The following RFX8 variants were observed in gnomAD, a reference collection of about 807,000 sequenced individuals.
RFX8 encodes the protein regulatory factor X8.
RFX8 carries 46 observed loss-of-function variants against 54.6 expected under a neutral mutation model. The observed-to-expected ratio is 0.84, with a 90% CI of 0.67 to 1.08. The LOEUF is 1.08. RFX8 is among the 50% of genes least tolerant of loss of function. RFX8 has a pLI of 0.00. For missense variants in RFX8, 536 were observed against 562.3 expected, an observed-to-expected ratio of 0.95 and a Z score of 0.47; for synonymous variants, 192 against 209.5, an observed-to-expected ratio of 0.92 and a Z score of 0.72.
At chr2:101,437,167 C>T (rs139768258) in intron 2 of RFX8, among the ~76,000 whole-genome samples, 57 of 152,296 alleles carry the variant, frequency 3.7e-4, no homozygotes, top group African/African-American at 1.4e-3. Context: ...AGGCTGGGTG[C>T]AGTGGCTCAC....
chr2:101,409,054 G>C (rs1221686128), intron 9 of RFX8, among the ~76,000 whole-genome samples: 1 of 152,120 alleles, frequency 6.6e-6, no homozygotes, highest in Non-Finnish European at 1.5e-5. Flanking sequence ...GCTCTTGAAT[G>C]CCCGATCCCC....
intron 2 of RFX8, among the ~76,000 whole-genome samples, chr2:101,444,138 T>G (rs1017690972): frequency 6.6e-6 from 1 of 152,244 alleles, no homozygotes; most frequent in Admixed American, 6.5e-5. Flanking sequence ...GCCTCCCTCC[T>G]TACACCAAGG....
At chr2:101,408,570 G>GTA (rs1449492467) in intron 9 of RFX8, among the ~76,000 whole-genome samples, 1 of 152,202 alleles carries the variant, frequency 6.6e-6, no homozygotes, top group Admixed American at 6.5e-5. Context: ...CTGTGAGGAT[G>GTA]TATAATATAA....
At chr2:101,452,618 G>A (rs1013500106) in intron 2 of RFX8, among the ~76,000 whole-genome samples, 1 of 152,084 alleles carries the variant, frequency 6.6e-6, no homozygotes, top group African/African-American at 2.4e-5. Context: ...GAAAATAAAT[G>A]TAAATGAAAT....
chr2:101,463,112 G>T (rs1689371731), intron 2 of RFX8, among the ~76,000 whole-genome samples: 1 of 152,182 alleles, frequency 6.6e-6, no homozygotes, highest in Non-Finnish European at 1.5e-5. Flanking sequence ...TAGCCTTGCA[G>T]CCTCTGTATG....
chr2:101,453,904 A>T (rs67787993), intron 2 of RFX8, among the ~76,000 whole-genome samples: 52,546 of 151,938 alleles, frequency 0.35, 9,772 homozygotes, highest in African/African-American at 0.45. Context: ...TTCACTTTTT[A>T]AATTATTATT....
intron 11 of RFX8, among the ~76,000 whole-genome samples, 183 bp downstream of exon 11, chr2:101,402,253 G>A (rs890277372): frequency 5.9e-5 from 9 of 152,342 alleles, no homozygotes; most frequent in African/African-American, 2.2e-4. Context: ...CCACAAACCT[G>A]AGCTGACCAG....
chr2:101,455,082 C>G (rs1438973865), intron 2 of RFX8, among the ~76,000 whole-genome samples: 1 of 151,122 alleles, frequency 6.6e-6, no homozygotes, highest in East Asian at 1.9e-4. Context: ...ACAATCTCAG[C>G]TCATTGCTAC....
At chr2:101,457,315 A>T (rs1689029266) in intron 2 of RFX8, among the ~76,000 whole-genome samples, 1 of 152,050 alleles carries the variant, frequency 6.6e-6, no homozygotes, top group South Asian at 2.1e-4. Context: ...TCGATTTTAG[A>T]TCTTTCCTGC....
chr2:101,417,422 T>G, intron 6 of RFX8, 112 bp downstream of exon 6: 1 of 964,922 alleles, frequency 1.0e-6, no homozygotes, highest in East Asian at 2.7e-5. Flanking sequence ...CCCGGGCTGG[T>G]CTCAAACTCC....
At chr2:101,422,300 T>G in intron 3 of RFX8, 62 bp downstream of exon 3, 1 of 817,650 alleles carries the variant, frequency 1.2e-6, no homozygotes, top group Non-Finnish European at 2.1e-6. Context: ...AAAAGGAAGC[T>G]ATTTACTGCC....
intron 2 of RFX8, among the ~76,000 whole-genome samples, chr2:101,435,317 G>C (rs1687717554): frequency 6.6e-6 from 1 of 152,200 alleles, no homozygotes; most frequent in Non-Finnish European, 1.5e-5. Context: ...AGGAAAGTGT[G>C]TGTGTTTCGG....
chr2:101,400,774 G>A (rs1685392781), intron 11 of RFX8, among the ~76,000 whole-genome samples: 1 of 152,202 alleles, frequency 6.6e-6, no homozygotes, highest in Non-Finnish European at 1.5e-5. Flanking sequence ...CTGCAGCCCA[G>A]CATGAATGCT....
intron 2 of RFX8, among the ~76,000 whole-genome samples, chr2:101,450,071 C>T (rs1328736437): frequency 6.6e-6 from 1 of 152,026 alleles, no homozygotes; most frequent in African/African-American, 2.4e-5. Context: ...ATTTCTCTGG[C>T]CAATGACATT....
intron 2 of RFX8, chr2:101,450,633 G>A (rs1175796184): frequency 1.3e-6 from 2 of 1,515,568 alleles, no homozygotes; most frequent in Non-Finnish European, 1.8e-6. Flanking sequence ...GCAATACTGG[G>A]CATAGAAGAA....
At chr2:101,446,004 C>G (rs1688357407) in intron 2 of RFX8, among the ~76,000 whole-genome samples, 1 of 152,094 alleles carries the variant, frequency 6.6e-6, no homozygotes, top group African/African-American at 2.4e-5. Context: ...ATCAGTACAG[C>G]TCATTAACAA....
At chr2:101,459,424 C>T (rs962708040) in intron 2 of RFX8, among the ~76,000 whole-genome samples, 1 of 152,104 alleles carries the variant, frequency 6.6e-6, no homozygotes, top group Non-Finnish European at 1.5e-5. Flanking sequence ...TGTTGATGTT[C>T]ATGTTATTCC....
intron 2 of RFX8, among the ~76,000 whole-genome samples, chr2:101,444,108 C>G (rs1688246698): frequency 6.6e-6 from 1 of 152,174 alleles, no homozygotes; most frequent in African/African-American, 2.4e-5. Context: ...CCCCACATGA[C>G]AACATTGGCA....
At chr2:101,441,194 T>G (rs956010008) in intron 2 of RFX8, among the ~76,000 whole-genome samples, 39 of 152,134 alleles carry the variant, frequency 2.6e-4, no homozygotes, top group Non-Finnish European at 5.1e-4. Context: ...ATGGTCTTGA[T>G]CTTCTGACCT....
Sources: gnomAD v4.1 joint callset for allele counts (sites outside exome capture counted in the v4.1 genomes callset) on GRCh38, gnomAD v4.1.1 for gene constraint, MANE v1.5 for transcripts, NCBI Gene and HGNC (gene_info 2026-07-23, HGNC 2026-07-21) for gene names.